Variants in FBXW10B observed in about 807,000 individuals in gnomAD.
The protein encoded by FBXW10B is F-box and WD repeat domain containing protein 10B.
the FBXW10B span, among the ~76,000 whole-genome samples, chr17:15,614,318 A>G: frequency 1.3e-5 from 2 of 151,634 alleles, no homozygotes; most frequent in African/African-American, 4.8e-5. Context: ...CCTCCTGAGT[A>G]GCTGGGACTA....
the FBXW10B span, among the ~76,000 whole-genome samples, chr17:15,575,200 T>C: frequency 6.7e-6 from 1 of 148,516 alleles, no homozygotes; most frequent in East Asian, 1.9e-4. Flanking sequence ...TAGGAGATTA[T>C]AGCTGCCAGA....
At chr17:15,598,848 A>T in the FBXW10B span, 3 of 1,163,482 alleles carry the variant, frequency 2.6e-6, no homozygotes, top group East Asian at 8.1e-5. Flanking sequence ...TTTCTGTGTA[A>T]GTTTCCTTTC....
chr17:15,571,243 G>A, the FBXW10B span, among the ~76,000 whole-genome samples: 743 of 152,058 alleles, frequency 4.9e-3, 7 homozygotes, highest in African/African-American at 0.017. Context: ...TACTTGGGAG[G>A]CTGAGGAGGG....
chr17:15,613,728 G>A, the FBXW10B span: 68 of 1,612,634 alleles, frequency 4.2e-5, no homozygotes, highest in Middle Eastern at 1.6e-4. Flanking sequence ...TTCAGGGTGT[G>A]TCTATCCAGC....
At chr17:15,603,188 T>C in the FBXW10B span, among the ~76,000 whole-genome samples, 94 of 151,678 alleles carry the variant, frequency 6.2e-4, no homozygotes, top group East Asian at 0.018. Flanking sequence ...CTGGCCCATA[T>C]TGAGAATTTT....
chr17:15,618,960 C>T, the FBXW10B span: 1 of 1,590,756 alleles, frequency 6.3e-7, no homozygotes, highest in Non-Finnish European at 8.6e-7. Context: ...GAAGCCTTGC[C>T]TTCTGGTCTT....
chr17:15,587,939 C>T, the FBXW10B span, among the ~76,000 whole-genome samples: 3 of 152,144 alleles, frequency 2.0e-5, no homozygotes, highest in Non-Finnish European at 4.4e-5. Context: ...AGAAGGCAGG[C>T]TTGAGTAACC....
the FBXW10B span, among the ~76,000 whole-genome samples, chr17:15,599,583 A>C: frequency 6.7e-6 from 1 of 148,476 alleles, no homozygotes; most frequent in African/African-American, 2.5e-5. Flanking sequence ...ATTCCACGGT[A>C]CAGTGGATCT....
chr17:15,581,518 C>G, the FBXW10B span, among the ~76,000 whole-genome samples: 1 of 151,928 alleles, frequency 6.6e-6, no homozygotes, highest in South Asian at 2.1e-4. Flanking sequence ...AAGGATATAT[C>G]CAAAGTTCCT....
chr17:15,584,970 T>TC, the FBXW10B span, among the ~76,000 whole-genome samples: 376 of 135,850 alleles, frequency 2.8e-3, no homozygotes, highest in South Asian at 5.2e-3. Flanking sequence ...TTCTTCTTCT[T>TC]TTTTTTTTTT....
the FBXW10B span, chr17:15,593,234 C>T: frequency 6.3e-7 from 1 of 1,579,016 alleles, no homozygotes; most frequent in South Asian, 1.1e-5. Context: ...TGCACACTCT[C>T]TCCTCCTGAC....
the FBXW10B span, among the ~76,000 whole-genome samples, chr17:15,587,692 T>A: frequency 6.6e-6 from 1 of 152,072 alleles, no homozygotes; most frequent in African/African-American, 2.4e-5. Flanking sequence ...CCCTCTCTCC[T>A]GCCATAGGAA....
At chr17:15,593,860 C>G in the FBXW10B span, among the ~76,000 whole-genome samples, 1 of 152,026 alleles carries the variant, frequency 6.6e-6, no homozygotes, top group African/African-American at 2.4e-5. Flanking sequence ...AAATCCTGAC[C>G]TCAGGTGATC....
At chr17:15,607,765 A>G in the FBXW10B span, 77 of 1,298,776 alleles carry the variant, frequency 5.9e-5, no homozygotes, top group African/African-American at 9.7e-4. Context: ...TCTCCCTGGT[A>G]AGGGCACAGG....
chr17:15,569,455 C>CTTTT, the FBXW10B span, among the ~76,000 whole-genome samples: 176 of 59,174 alleles, frequency 3.0e-3, 2 homozygotes, highest in East Asian at 9.8e-3. Flanking sequence ...TTTTCTTTTT[C>CTTTT]TTTTTTTTTT....
At chr17:15,616,323 T>C in the FBXW10B span, among the ~76,000 whole-genome samples, 1 of 151,790 alleles carries the variant, frequency 6.6e-6, no homozygotes, top group Admixed American at 6.6e-5. Context: ...TACAAGTGCA[T>C]GACACCTGGC....
At chr17:15,594,809 C>G in the FBXW10B span, 910 of 1,613,864 alleles carry the variant, frequency 5.6e-4, 1 homozygote, top group Non-Finnish European at 6.8e-4. Flanking sequence ...CAGGCCATGA[C>G]CAGGCCATCA....
chr17:15,605,780 T>C, the FBXW10B span, among the ~76,000 whole-genome samples: 6 of 151,968 alleles, frequency 3.9e-5, no homozygotes, highest in Non-Finnish European at 8.8e-5. Context: ...AGGAACACAG[T>C]TGGGAAGTCC....
chr17:15,582,131 A>G, the FBXW10B span, among the ~76,000 whole-genome samples: 2 of 150,076 alleles, frequency 1.3e-5, no homozygotes, highest in Non-Finnish European at 3.0e-5. Flanking sequence ...GCTTTCAAAA[A>G]TCCATCTAGG....
Sources: allele counts gnomAD v4.1 joint callset (sites outside exome capture counted in the v4.1 genomes callset), GRCh38; gene constraint gnomAD v4.1.1; transcripts MANE v1.5; gene names NCBI Gene and HGNC (gene_info 2026-07-23, HGNC 2026-07-21).